Variants in MYO1H observed in about 807,000 individuals in gnomAD.
MYO1H encodes myosin IH.
MYO1H carries 118 observed loss-of-function variants against 149.3 expected under a neutral mutation model. That is an observed-to-expected ratio of 0.79 (90% CI 0.68 to 0.92). MYO1H has a LOEUF of 0.92. MYO1H is among the 40% of genes least tolerant of loss of function. MYO1H has a pLI of 0.00. For synonymous variants in MYO1H, 447 were observed against 465.2 expected (o/e 0.96, Z 0.50); for missense variants, 1,212 against 1,280.7 (o/e 0.95, Z 0.82).
intron 5 of MYO1H, 67 bp downstream of exon 5, chr12:109,397,879 A>C: frequency 5.8e-6 from 7 of 1,197,122 alleles, no homozygotes; most frequent in Non-Finnish European, 8.2e-6. Flanking sequence ...AACCCAAGCC[A>C]AGGCCCCTTA....
the MYO1H span, among the ~76,000 whole-genome samples, chr12:109,313,006 C>T: frequency 6.6e-6 from 1 of 151,560 alleles, no homozygotes; most frequent in South Asian, 2.1e-4. Flanking sequence ...TTTGGGAGGC[C>T]GAGGCGGGTG....
At chr12:109,445,194 C>A (rs1872426362) in intron 30 of MYO1H, among the ~76,000 whole-genome samples, 1 of 152,078 alleles carries the variant, frequency 6.6e-6, no homozygotes, top group Admixed American at 6.6e-5. Context: ...AATGTGTTGT[C>A]TTTGTGTTGC....
At chr12:109,327,134 C>CTTTTTTTTTTTTTTTTTTTTTT in the MYO1H span, among the ~76,000 whole-genome samples, 1 of 94,744 alleles carries the variant, frequency 1.1e-5, no homozygotes, top group Non-Finnish European at 2.0e-5. Context: ...TTTTCTTTTT[C>CTTTTTTTTTTTTTTTTTTTTTT]TTTTTTTTTT....
intron 15 of MYO1H, among the ~76,000 whole-genome samples, chr12:109,416,541 C>G (rs1048464986): frequency 6.6e-6 from 1 of 152,072 alleles, no homozygotes; most frequent in African/African-American, 2.4e-5. Flanking sequence ...ACATTTTGTT[C>G]ATGCATTCAT....
Position 109,396,367 on chromosome 12 carries a change from TCTCA to T in MYO1H, c.291-13_291-10del. On this transcript the variant is annotated splice_polypyrimidine_tract_variant and intron_variant, in intron 3 of 31. Coordinates refer to ENST00000310903, the Ensembl canonical transcript of MYO1H. ...TACCATTAAAACGAATTTGTTTCCG[TCTCA>T]CTCCTCCTCCAGCTACGCTATAGCC... The T allele has an allele frequency of 6.3e-7, 1 of 1,585,704 alleles. No individual in the cohort carries two copies. The highest frequency in any genetic ancestry group is 8.6e-7 in the Non-Finnish European group (1 of 1,164,624).
At chr12:109,441,952 C>T (rs576264604) in intron 26 of MYO1H, among the ~76,000 whole-genome samples, 11 of 152,206 alleles carry the variant, frequency 7.2e-5, no homozygotes, top group African/African-American at 2.4e-4. Flanking sequence ...GAGGCAGAGG[C>T]AGGAGAATGG....
chr12:109,409,697 G>T, intron 11 of MYO1H, 73 bp downstream of exon 11: 1 of 1,235,812 alleles, frequency 8.1e-7, no homozygotes. Flanking sequence ...TAAATCTTTC[G>T]CTAATGTTAC....
intron 6 of MYO1H, among the ~76,000 whole-genome samples, chr12:109,403,588 T>C (rs1234815167): frequency 6.6e-6 from 1 of 152,244 alleles, no homozygotes; most frequent in African/African-American, 2.4e-5. Context: ...AAATTTTTGT[T>C]GGCAATCTCT....
chr12:109,396,814 G>GTTTT lies in MYO1H; in HGVS notation c.489+259_489+262dup, dbSNP rs60551691. 3.1e-3 allele frequency among the ~76,000 whole-genome samples: 157 copies of GTTTT among 51,072 alleles called. 19 individuals are homozygous for GTTTT. Among genetic ancestry groups the GTTTT allele is most frequent in the Non-Finnish European group, 3.9e-3 (97 of 25,116 alleles). The allele number at this position is 51,072 out of a possible 152,430, so 33.5% of individuals were successfully genotyped here. A position where few individuals can be genotyped will look rare whatever the true frequency, so the allele number is the denominator to read the frequency against. ...GACATTTGGTTTTTGTTTTGGTTTC[G>GTTTT]TTTTTTTTTTTTTTTTTTTTTTTTT... On this transcript the variant is annotated intron_variant, in intron 4 of 31. Coordinates refer to ENST00000310903, the Ensembl canonical transcript of MYO1H.
At chr12:109,390,642 C>A (rs1212208527) in intron 2 of MYO1H, among the ~76,000 whole-genome samples, 1 of 151,406 alleles carries the variant, frequency 6.6e-6, no homozygotes, top group East Asian at 2.0e-4. Context: ...TGTAGGTATA[C>A]CCATCCTGTT....
intron 16 of MYO1H, among the ~76,000 whole-genome samples, chr12:109,422,492 A>G (rs1871216338): frequency 2.0e-5 from 3 of 152,180 alleles, no homozygotes; most frequent in Admixed American, 2.0e-4. Context: ...TGTGGAGAAC[A>G]CTGGAGTGGA....
chr12:109,408,114 G>A (rs921226678), intron 10 of MYO1H, among the ~76,000 whole-genome samples: 4 of 152,156 alleles, frequency 2.6e-5, no homozygotes, highest in African/African-American at 7.2e-5. Flanking sequence ...GTTCCAAAGC[G>A]TGCTGTGCAT....
Position 109,377,104 on chromosome 12 carries a change from C to A in MYO1H, c.13-11579C>A, listed in dbSNP as rs531103778. ...CTTCTTTATAGTTTCAAAACATTTC[C>A]ATCACTCCAAAGTAAAATATCTTCC... On this transcript the variant is annotated intron_variant, in intron 1 of 31. Coordinates refer to ENST00000310903, the Ensembl canonical transcript of MYO1H. Among the ~76,000 whole-genome samples, 3 of 152,306 alleles carry A rather than the reference C, an allele frequency of 2.0e-5. No homozygotes were observed. The South Asian group carries it at 6.2e-4, about 32-fold the overall frequency.
chr12:109,416,805 T>G (rs577402843), intron 15 of MYO1H, among the ~76,000 whole-genome samples: 12 of 152,202 alleles, frequency 7.9e-5, no homozygotes, highest in African/African-American at 2.6e-4. Context: ...CTGGCCAAGA[T>G]AGTGAAGCCC....
At chr12:109,343,103 A>C (rs930935588), upstream of MYO1H, among the ~76,000 whole-genome samples, 1 of 152,110 alleles carries the variant, frequency 6.6e-6, no homozygotes, top group Non-Finnish European at 1.5e-5. Context: ...AAAAGAAAAA[A>C]AATTGCATTT....
intron 15 of MYO1H, among the ~76,000 whole-genome samples, chr12:109,419,544 AT>A (rs1458545015): frequency 1.3e-5 from 2 of 151,842 alleles, no homozygotes; most frequent in Admixed American, 6.6e-5. Context: ...CCTTTTTAAA[AT>A]TTTTATTTAA....
At chr12:109,327,315 A>G in the MYO1H span, among the ~76,000 whole-genome samples, 2 of 150,640 alleles carry the variant, frequency 1.3e-5, no homozygotes, top group Non-Finnish European at 1.5e-5. Flanking sequence ...TTGTATTTTT[A>G]GTAGAGATGG....
At chr12:109,389,554 A>C (rs1869546864) in intron 2 of MYO1H, among the ~76,000 whole-genome samples, 1 of 152,146 alleles carries the variant, frequency 6.6e-6, no homozygotes, top group Admixed American at 6.6e-5. Context: ...CGAATGGTCA[A>C]GGGTCGAGAA....
chr12:109,405,813 G>C (rs1374835083), intron 7 of MYO1H, 109 bp from the exon 8 acceptor site: 7 of 749,934 alleles, frequency 9.3e-6, no homozygotes, highest in Non-Finnish European at 1.4e-5. Flanking sequence ...ATTGGGACGG[G>C]GGCATTTTTC....
Sources: allele counts gnomAD v4.1 joint callset (sites outside exome capture counted in the v4.1 genomes callset), GRCh38; gene constraint gnomAD v4.1.1; transcripts MANE v1.5; gene names NCBI Gene and HGNC (gene_info 2026-07-23, HGNC 2026-07-21).